Variants in PRKG1 observed in about 807,000 individuals in gnomAD.
The protein encoded by PRKG1 is cGMP-dependent protein kinase 1.
In PRKG1, 35 loss-of-function variants were observed where a neutral mutation model predicts 88.1. The observed-to-expected ratio is 0.40, with a 90% CI of 0.30 to 0.53. The LOEUF is 0.53. Ranked by LOEUF, PRKG1 falls within the 20% of genes least tolerant of loss-of-function variation. The pLI is 0.59. For missense variants in PRKG1, 540 were observed against 839.8 expected, an observed-to-expected ratio of 0.64 and a Z score of 4.41; for synonymous variants, 303 against 292.5, an observed-to-expected ratio of 1.04 and a Z score of -0.37.
intron 3 of PRKG1, among the ~76,000 whole-genome samples, chr10:51,487,379 A>G (rs931458116): frequency 5.3e-5 from 8 of 152,172 alleles, no homozygotes; most frequent in Non-Finnish European, 1.0e-4. Flanking sequence ...TTACTAATAT[A>G]TAAGCATCTT....
At chr10:51,079,672 G>A (rs1044418984) in intron 1 of PRKG1, among the ~76,000 whole-genome samples, 1 of 99,908 alleles carries the variant, frequency 1.0e-5, no homozygotes, top group Non-Finnish European at 2.2e-5. Flanking sequence ...GAATAGCTAA[G>A]GCTCATTTGT....
rs1252190293 is a variant in PRKG1 at position 52,296,183 on chromosome 10, T to C, written c.*2283T>C. On this transcript the variant is annotated 3_prime_UTR_variant, in exon 18 of 18. Transcript: ENST00000373980. Reference sequence around the variant, plus strand: ...GTTATTTGGAAAGAGAATCTGCTCCTATAACGTTTTAAAAATCCCCAAAGT... The same window carrying C: ...GTTATTTGGAAAGAGAATCTGCTCCCATAACGTTTTAAAAATCCCCAAAGT... 6.6e-6 allele frequency: 1 copy of C among 152,074 alleles called. No homozygotes were observed. Among genetic ancestry groups the C allele is most frequent in the African/African-American group, 2.4e-5 (1 of 41,440 alleles). 9.4% of individuals were successfully genotyped at this position (152,074 alleles called of 1,614,324 possible).
chr10:51,467,864 A>G, intron 3 of PRKG1, 28 bp downstream of exon 3: 1 of 1,545,596 alleles, frequency 6.5e-7, no homozygotes, highest in Non-Finnish European at 8.9e-7. Flanking sequence ...TTTTTAAAAT[A>G]TTTTCAATGT....
chr10:51,560,678 T>C (rs1377522272), intron 3 of PRKG1, among the ~76,000 whole-genome samples: 2 of 152,122 alleles, frequency 1.3e-5, no homozygotes, highest in South Asian at 4.1e-4. Flanking sequence ...AAATACATTA[T>C]ATTGAAAAGA....
At chr10:51,481,979 G>A (rs293310) in intron 3 of PRKG1, among the ~76,000 whole-genome samples, 55,126 of 151,858 alleles carry the variant, frequency 0.36, 10,618 homozygotes, top group African/African-American at 0.44. Flanking sequence ...TAATTCTGTT[G>A]TATAACTTGA....
chr10:52,134,292 T>G (rs1258002344), intron 8 of PRKG1, among the ~76,000 whole-genome samples: 1 of 152,186 alleles, frequency 6.6e-6, no homozygotes, highest in South Asian at 2.1e-4. Context: ...TCCATTTTTG[T>G]TAAGAAATGG....
chr10:52,257,022 G>A (rs12569472), intron 10 of PRKG1, among the ~76,000 whole-genome samples: 7,644 of 138,818 alleles, frequency 0.055, 1,669 homozygotes, highest in South Asian at 0.23. Context: ...ATCATACCTA[G>A]TTCCTCTCCA....
At chr10:52,027,175 T>C (rs1845363127) in intron 5 of PRKG1, among the ~76,000 whole-genome samples, 1 of 152,198 alleles carries the variant, frequency 6.6e-6, no homozygotes, top group African/African-American at 2.4e-5. Context: ...TCTGTGCCTC[T>C]AGGTCACTAG....
At chr10:51,094,639 T>TA (rs931512211) in intron 1 of PRKG1, among the ~76,000 whole-genome samples, 7 of 151,862 alleles carry the variant, frequency 4.6e-5, no homozygotes, top group African/African-American at 1.7e-4. Flanking sequence ...CAGCGCTCCA[T>TA]AAAAAAACGT....
At chr10:51,647,150 TAAA>T (rs10719185) in intron 3 of PRKG1, among the ~76,000 whole-genome samples, 2 of 132,120 alleles carry the variant, frequency 1.5e-5, no homozygotes, top group Admixed American at 7.5e-5. Context: ...GAGATCAAGA[TAAA>T]AAAAAAAAAA....
intron 2 of PRKG1, among the ~76,000 whole-genome samples, chr10:51,382,991 G>A (rs1219052029): frequency 6.6e-6 from 1 of 152,056 alleles, no homozygotes; most frequent in Non-Finnish European, 1.5e-5. Context: ...CTAGGGAAAT[G>A]CCTTGTGCTG....
chr10:52,041,945 A>G (rs1845763436), intron 5 of PRKG1, among the ~76,000 whole-genome samples: 1 of 152,078 alleles, frequency 6.6e-6, no homozygotes, highest in African/African-American at 2.4e-5. Context: ...AATCTCATTT[A>G]TATAATAATA....
At chr10:51,530,545 T>C (rs946268578) in intron 3 of PRKG1, among the ~76,000 whole-genome samples, 1 of 152,174 alleles carries the variant, frequency 6.6e-6, no homozygotes, top group Non-Finnish European at 1.5e-5. Flanking sequence ...TTCCACATTT[T>C]GTATTGGAGC....
At chr10:52,084,176 T>A (rs1241458086) in intron 7 of PRKG1, among the ~76,000 whole-genome samples, 1 of 152,002 alleles carries the variant, frequency 6.6e-6, no homozygotes. Flanking sequence ...AAATGCTTGA[T>A]AGGGTCTGGT....
chr10:52,245,080 A>G (rs1840989607), intron 9 of PRKG1, among the ~76,000 whole-genome samples: 1 of 151,038 alleles, frequency 6.6e-6, no homozygotes, highest in Admixed American at 6.6e-5. Context: ...TTATTAAATC[A>G]GGAACAATTA....
At chr10:51,364,679 A>T (rs1842553143) in intron 2 of PRKG1, among the ~76,000 whole-genome samples, 1 of 151,668 alleles carries the variant, frequency 6.6e-6, no homozygotes. Context: ...TTTCAGGAAA[A>T]ACCTATAGAT....
At chr10:51,268,485 C>G (rs1317152299) in intron 2 of PRKG1, among the ~76,000 whole-genome samples, 1 of 152,090 alleles carries the variant, frequency 6.6e-6, no homozygotes, top group Non-Finnish European at 1.5e-5. Flanking sequence ...CAGGGATGTT[C>G]CTTGCTGAGA....
intron 5 of PRKG1, among the ~76,000 whole-genome samples, chr10:52,036,020 G>T (rs12768701): frequency 0.16 from 24,138 of 151,656 alleles, 2,314 homozygotes; most frequent in South Asian, 0.26. Context: ...AGATTAGTCG[G>T]ACATGATTGG....
At chr10:51,509,938 G>C (rs1841341631) in intron 3 of PRKG1, among the ~76,000 whole-genome samples, 1 of 152,118 alleles carries the variant, frequency 6.6e-6, no homozygotes, top group Admixed American at 6.6e-5. Context: ...AAGTTGGGTG[G>C]GAGACCTAGA....
Sources: gnomAD v4.1 joint callset for allele counts (sites outside exome capture counted in the v4.1 genomes callset) on GRCh38, gnomAD v4.1.1 for gene constraint, MANE v1.5 for transcripts, NCBI Gene and HGNC (gene_info 2026-07-23, HGNC 2026-07-21) for gene names.